Variants in LRFN2 observed in about 807,000 individuals in gnomAD.
The protein encoded by LRFN2 is leucine-rich repeat and fibronectin type-III domain-containing protein 2.
Under a neutral mutation model 37.3 loss-of-function variants are expected in LRFN2, and 18 were observed. The observed-to-expected ratio is 0.48, with a 90% CI of 0.33 to 0.72. LRFN2 has a LOEUF of 0.72. LRFN2 is among the 30% of genes least tolerant of loss of function. The probability of loss-of-function intolerance (pLI) is 0.02; values close to 1 mark genes in which losing one functional copy is unlikely to be tolerated. For synonymous variants in LRFN2, 556 were observed against 466.6 expected (o/e 1.19, Z -2.47); for missense variants, 1,006 against 1,060.7 (o/e 0.95, Z 0.72).
At chr6:40,428,919 T>C (rs1763415412) in intron 2 of LRFN2, among the ~76,000 whole-genome samples, 1 of 152,190 alleles carries the variant, frequency 6.6e-6, no homozygotes, top group South Asian at 2.1e-4. Flanking sequence ...CCCAGGATGG[T>C]GGATGTGATG....
intron 1 of LRFN2, among the ~76,000 whole-genome samples, chr6:40,536,571 G>A (rs750166566): frequency 6.6e-6 from 1 of 152,164 alleles, no homozygotes; most frequent in East Asian, 1.9e-4. Flanking sequence ...ACAAAGCAGG[G>A]AACATGGGAA....
At chr6:40,445,995 G>C (rs926808319) in intron 1 of LRFN2, among the ~76,000 whole-genome samples, 8 of 152,216 alleles carry the variant, frequency 5.3e-5, no homozygotes, top group Non-Finnish European at 8.8e-5. Flanking sequence ...CTCTCTTTAA[G>C]TTGTGACTGG....
chr6:40,414,227 C>G (rs553976359), intron 2 of LRFN2, among the ~76,000 whole-genome samples: 1 of 152,144 alleles, frequency 6.6e-6, no homozygotes, highest in Non-Finnish European at 1.5e-5. Context: ...TATGAAGGTG[C>G]CTGGTGCAGT....
At chr6:40,568,290 C>T (rs939684337) in intron 1 of LRFN2, among the ~76,000 whole-genome samples, 2 of 152,194 alleles carry the variant, frequency 1.3e-5, no homozygotes, top group South Asian at 4.1e-4. Context: ...TGCCCTGTGT[C>T]GTGTGAAACC....
intron 1 of LRFN2, among the ~76,000 whole-genome samples, chr6:40,584,034 C>T (rs995376501): frequency 2.0e-5 from 3 of 152,160 alleles, no homozygotes; most frequent in Non-Finnish European, 2.9e-5. Context: ...GTGCCAGGGC[C>T]CCAGAGGTGA....
chr6:40,423,507 T>C (rs896745840), intron 2 of LRFN2, among the ~76,000 whole-genome samples: 1 of 152,210 alleles, frequency 6.6e-6, no homozygotes, highest in Non-Finnish European at 1.5e-5. Flanking sequence ...GGAATCTCTG[T>C]TCTCATTTTA....
chr6:40,398,241 G>A (rs546830498), intron 2 of LRFN2, among the ~76,000 whole-genome samples: 2 of 152,048 alleles, frequency 1.3e-5, no homozygotes, highest in South Asian at 4.1e-4. Context: ...AGTGTGACAA[G>A]CTAAAATGTC....
At chr6:40,568,781 G>A (rs1767136238) in intron 1 of LRFN2, among the ~76,000 whole-genome samples, 1 of 150,830 alleles carries the variant, frequency 6.6e-6, no homozygotes, top group African/African-American at 2.5e-5. Context: ...GAGTGCAATG[G>A]TGCGATCTCG....
chr6:40,491,465 T>G (rs568562955), intron 1 of LRFN2, among the ~76,000 whole-genome samples: 3 of 152,324 alleles, frequency 2.0e-5, no homozygotes, highest in Non-Finnish European at 4.4e-5. Context: ...CATTTTGCTG[T>G]GTGACTGTGG....
intron 1 of LRFN2, among the ~76,000 whole-genome samples, chr6:40,536,767 G>A (rs1766456666): frequency 6.6e-6 from 1 of 152,172 alleles, no homozygotes; most frequent in Non-Finnish European, 1.5e-5. Context: ...ACAGAGGGCA[G>A]CTCAGAATCT....
chr6:40,412,098 A>G (rs1347792064), intron 2 of LRFN2, among the ~76,000 whole-genome samples: 1 of 152,070 alleles, frequency 6.6e-6, no homozygotes, highest in African/African-American at 2.4e-5. Flanking sequence ...GCCTTGGCAC[A>G]CTGTTCATTA....
chr6:40,497,019 C>T (rs1160864017), intron 1 of LRFN2, among the ~76,000 whole-genome samples: 2 of 152,166 alleles, frequency 1.3e-5, no homozygotes, highest in East Asian at 1.9e-4. Flanking sequence ...TGTAATAGAG[C>T]TTTGCAATCT....
chr6:40,524,947 T>C (rs895877729), intron 1 of LRFN2, among the ~76,000 whole-genome samples: 1 of 152,240 alleles, frequency 6.6e-6, no homozygotes, highest in East Asian at 1.9e-4. Context: ...GGTAATGAGC[T>C]TGGAGTAAGG....
intron 2 of LRFN2, among the ~76,000 whole-genome samples, chr6:40,405,769 T>C (rs1762832422): frequency 6.6e-6 from 1 of 151,924 alleles, no homozygotes; most frequent in Non-Finnish European, 1.5e-5. Flanking sequence ...GTGGAGGAAG[T>C]GTTAGTAAAG....
chr6:40,581,089 T>A (rs1767389423), intron 1 of LRFN2, among the ~76,000 whole-genome samples: 1 of 152,116 alleles, frequency 6.6e-6, no homozygotes, highest in African/African-American at 2.4e-5. Flanking sequence ...ACGGCAGCCC[T>A]GGGATCCTGG....
intron 1 of LRFN2, among the ~76,000 whole-genome samples, chr6:40,523,365 C>A (rs1249251752): frequency 6.6e-6 from 1 of 152,120 alleles, no homozygotes; most frequent in African/African-American, 2.4e-5. Context: ...TGGGGCACAC[C>A]CCACCCACGC....
At chr6:40,477,942 A>C (rs1764743882) in intron 1 of LRFN2, among the ~76,000 whole-genome samples, 1 of 152,230 alleles carries the variant, frequency 6.6e-6, no homozygotes, top group African/African-American at 2.4e-5. Context: ...CACCGGATGT[A>C]ACACAGACGC....
At position 40,417,663 on chromosome 6, in the gene LRFN2, A is replaced by G. The variant is rs115940565; in HGVS notation, c.1400+14051T>C. Among the ~76,000 whole-genome samples the G allele has an allele frequency of 9.8e-3, 1,491 of 152,232 alleles. 23 individuals carry two copies. Among genetic ancestry groups the G allele is most frequent in the African/African-American group, 0.034 (1,423 of 41,544 alleles). On this transcript the variant is annotated intron_variant, in intron 2 of 2. Coordinates refer to ENST00000338305, the MANE Select transcript of LRFN2 (RefSeq NM_020737.3). ...GGAGATCCAAAACTCCTCTCCACTC[A>G]CGGCTATGAGTTGGGCCTCAGTGAG...
intron 1 of LRFN2, among the ~76,000 whole-genome samples, chr6:40,487,879 T>G (rs1765001722): frequency 6.7e-6 from 1 of 148,906 alleles, no homozygotes; most frequent in Non-Finnish European, 1.5e-5. Flanking sequence ...GCAGTCAGAA[T>G]CACCCAACCC....
Sources: allele counts gnomAD v4.1 joint callset (sites outside exome capture counted in the v4.1 genomes callset), GRCh38; gene constraint gnomAD v4.1.1; transcripts MANE v1.5; gene names NCBI Gene and HGNC (gene_info 2026-07-23, HGNC 2026-07-21).